The following ADCY8 variants were observed in gnomAD, a reference collection of about 807,000 sequenced individuals.
The protein encoded by ADCY8 is adenylate cyclase type 8.
In ADCY8, 51 loss-of-function variants were observed where a neutral mutation model predicts 119.7. That is an observed-to-expected ratio of 0.43 (90% CI 0.34 to 0.54). The LOEUF (loss-of-function observed/expected upper bound fraction) is 0.54, where lower values mean the gene tolerates loss of function less well. ADCY8 is among the 20% of genes least tolerant of loss of function. The pLI is 0.03. For synonymous variants in ADCY8, 665 were observed against 651.0 expected (o/e 1.02, Z -0.33); for missense variants, 1,383 against 1,598.8 (o/e 0.87, Z 2.30).
At position 130,988,364 on chromosome 8, in the gene ADCY8, AAG is replaced by A. The variant is rs150092129; in HGVS notation, c.1110+2027_1110+2028del. ...ATCATAGTTGTGAACACAGGACTAA[AAG>A]AAGCCTACACAGTATTTTACTTAAT... On this transcript the variant is annotated intron_variant, in intron 2 of 17. Coordinates refer to ENST00000286355, the MANE Select transcript of ADCY8 (RefSeq NM_001115.3). Among the ~76,000 whole-genome samples the A allele has an allele frequency of 4.6e-3, 708 of 152,330 alleles. 6 individuals are homozygous for A. Among genetic ancestry groups the A allele is most frequent in the African/African-American group, 0.017 (687 of 41,582 alleles).
At chr8:130,793,607 C>T (rs1343620705) in intron 15 of ADCY8, among the ~76,000 whole-genome samples, 1 of 152,182 alleles carries the variant, frequency 6.6e-6, no homozygotes, top group Non-Finnish European at 1.5e-5. Context: ...GATACTGGTT[C>T]AATAAGCCCA....
chr8:130,932,822 T>C (rs182925874), intron 5 of ADCY8, among the ~76,000 whole-genome samples: 1 of 152,320 alleles, frequency 6.6e-6, no homozygotes, highest in East Asian at 1.9e-4. Flanking sequence ...TTTCGTGATA[T>C]TGGCACCCTA....
chr8:130,886,325 T>C (rs1468220605), intron 7 of ADCY8, among the ~76,000 whole-genome samples: 2 of 151,734 alleles, frequency 1.3e-5, no homozygotes, highest in African/African-American at 2.4e-5. Flanking sequence ...GAGACTACTA[T>C]AGAGAAAAAA....
chr8:130,802,281 A>G (rs1260943739), intron 14 of ADCY8, among the ~76,000 whole-genome samples: 1 of 152,218 alleles, frequency 6.6e-6, no homozygotes, highest in East Asian at 1.9e-4. Context: ...CATCTTCAAT[A>G]AATCATCAAG....
intron 1 of ADCY8, among the ~76,000 whole-genome samples, chr8:131,000,504 C>T (rs902042796): frequency 5.3e-5 from 8 of 152,156 alleles, no homozygotes; most frequent in African/African-American, 1.9e-4. Flanking sequence ...AAGTGCCTTG[C>T]ATATTTTAAT....
intron 16 of ADCY8, 103 bp from the exon 17 acceptor site, chr8:130,783,908 C>A: frequency 1.3e-6 from 1 of 788,184 alleles, no homozygotes; most frequent in Non-Finnish European, 2.1e-6. Context: ...CCTACCTGCA[C>A]ATCCCTTTAA....
chr8:130,989,552 T>C (rs983405492), intron 2 of ADCY8, among the ~76,000 whole-genome samples: 2 of 152,120 alleles, frequency 1.3e-5, no homozygotes, highest in Non-Finnish European at 2.9e-5. Context: ...ATAATATATC[T>C]ACAAGCATAA....
intron 1 of ADCY8, among the ~76,000 whole-genome samples, chr8:131,034,924 T>A (rs1824103877): frequency 6.6e-6 from 1 of 152,174 alleles, no homozygotes; most frequent in Admixed American, 6.5e-5. Context: ...GTTTCAAATG[T>A]AAGATAGCTC....
At chr8:130,924,501 G>C (rs1563730740) in intron 5 of ADCY8, among the ~76,000 whole-genome samples, 2 of 152,146 alleles carry the variant, frequency 1.3e-5, no homozygotes, top group Admixed American at 6.5e-5. Context: ...AATGGTAGTT[G>C]TCTTCTTGTG....
At chr8:130,964,775 T>C (rs1436387112) in intron 2 of ADCY8, among the ~76,000 whole-genome samples, 1 of 152,238 alleles carries the variant, frequency 6.6e-6, no homozygotes, top group Non-Finnish European at 1.5e-5. Flanking sequence ...CTTACATTTC[T>C]ACCAACAATC....
intron 1 of ADCY8, among the ~76,000 whole-genome samples, chr8:131,025,127 C>G (rs1016464145): frequency 6.6e-6 from 1 of 152,146 alleles, no homozygotes; most frequent in African/African-American, 2.4e-5. Context: ...TGAGGTGGGT[C>G]TTTTGATGAC....
At position 130,996,410 on chromosome 8, in the gene ADCY8, G is replaced by A. The variant is rs1023580103; in HGVS notation, c.961-5868C>T. ...TTTTAACAAAAGAGATTAGAGGGGG[G>A]TCTTGACCAACCAGAAGGTAACATG... On this transcript the variant is annotated intron_variant, in intron 1 of 17. Coordinates refer to ENST00000286355, the MANE Select transcript of ADCY8 (RefSeq NM_001115.3). Among the ~76,000 whole-genome samples, 4 of 151,976 alleles carry A rather than the reference G, an allele frequency of 2.6e-5. No individual in the cohort carries two copies. The East Asian group carries it at 7.7e-4, about 29-fold the overall frequency.
intron 11 of ADCY8, among the ~76,000 whole-genome samples, chr8:130,841,169 A>C (rs776401499): frequency 6.6e-6 from 1 of 152,166 alleles, no homozygotes; most frequent in Non-Finnish European, 1.5e-5. Context: ...AGTAGATGTA[A>C]CAATTAAACC....
intron 8 of ADCY8, among the ~76,000 whole-genome samples, chr8:130,870,457 C>T (rs1264055794): frequency 6.6e-6 from 1 of 152,212 alleles, no homozygotes; most frequent in African/African-American, 2.4e-5. Flanking sequence ...CTTGATGTCT[C>T]CTCAAATGTC....
At chr8:130,995,651 G>T (rs1047837151) in intron 1 of ADCY8, among the ~76,000 whole-genome samples, 3 of 151,364 alleles carry the variant, frequency 2.0e-5, no homozygotes, top group African/African-American at 7.3e-5. Flanking sequence ...CCTCTTCTTC[G>T]AACACTACTC....
Position 131,030,966 on chromosome 8 carries a change from C to CT in ADCY8, c.960+8407dup, listed in dbSNP as rs1263433015. ...TTGGCCTCTTGCCCTTTGTCTTCTA[C>CT]TTTTCCATGCCTGCAAAGCAACCAT... is the stretch of plus-strand genomic sequence containing the variant. On this transcript the variant is annotated intron_variant, in intron 1 of 17. Coordinates refer to ENST00000286355, the MANE Select transcript of ADCY8 (RefSeq NM_001115.3). 3.3e-5 allele frequency among the ~76,000 whole-genome samples: 5 copies of CT among 152,304 alleles called. No homozygotes were observed. In the East Asian group the frequency reaches 9.7e-4, roughly 29 times the overall value.
chr8:130,907,816 G>T (rs1414561137), intron 6 of ADCY8, among the ~76,000 whole-genome samples: 1 of 152,130 alleles, frequency 6.6e-6, no homozygotes, highest in Non-Finnish European at 1.5e-5. Context: ...ATGATGCTGA[G>T]GTTCGGGGTA....
At chr8:130,781,937 G>A (rs1815092799) in intron 17 of ADCY8, among the ~76,000 whole-genome samples, 1 of 152,164 alleles carries the variant, frequency 6.6e-6, no homozygotes, top group African/African-American at 2.4e-5. Flanking sequence ...GGAAAGGAAA[G>A]AAATACAGCC....
chr8:130,831,992 C>T (rs576196148), intron 12 of ADCY8, among the ~76,000 whole-genome samples: 1 of 152,252 alleles, frequency 6.6e-6, no homozygotes, highest in African/African-American at 2.4e-5. Flanking sequence ...TATTATTATT[C>T]CCTCCTTACT....
Sources: allele counts gnomAD v4.1 joint callset (sites outside exome capture counted in the v4.1 genomes callset), GRCh38; gene constraint gnomAD v4.1.1; transcripts MANE v1.5; gene names NCBI Gene and HGNC (gene_info 2026-07-23, HGNC 2026-07-21).